PTPRN2: variants seen among roughly 807,000 people sequenced by gnomAD.
PTPRN2 encodes the protein protein tyrosine phosphatase receptor type N2, also known as receptor-type tyrosine-protein phosphatase N2.
Under a neutral mutation model 118.8 loss-of-function variants are expected in PTPRN2, and 74 were observed. The ratio of observed to expected loss-of-function variants is 0.62; its 90% confidence interval spans 0.52 to 0.76. The LOEUF (loss-of-function observed/expected upper bound fraction) is 0.76, where lower values mean the gene tolerates loss of function less well. Ranked by LOEUF, PTPRN2 falls within the 30% of genes least tolerant of loss-of-function variation. PTPRN2 has a pLI of 0.00. For synonymous variants in PTPRN2, 641 were observed against 608.0 expected (o/e 1.05, Z -0.80); for missense variants, 1,481 against 1,394.4 (o/e 1.06, Z -0.99).
chr7:157,925,856 ACT>A (rs1227837593), intron 11 of PTPRN2, among the ~76,000 whole-genome samples: 2 of 151,876 alleles, frequency 1.3e-5, no homozygotes, highest in Non-Finnish European at 2.9e-5. Context: ...AACACGGGCC[ACT>A]CTTCAAAGCG....
In PTPRN2 at chr7:158,485,217, C is replaced by T. The variant is rs62481468; in HGVS notation, c.163+4518G>A. 4.3e-3 allele frequency among the ~76,000 whole-genome samples: 656 copies of T among 152,228 alleles called. 1 individual carries two copies. The highest frequency in any genetic ancestry group is 5.3e-3 in the Non-Finnish European group (359 of 67,990). ...CCCCCACCTGTCAGTCACCATTCTT[C>T]CACCTCCCTCCAAACGGAGAGCGCG... On this transcript the variant is annotated intron_variant, in intron 2 of 22. Transcript: ENST00000389418.
intron 10 of PTPRN2, among the ~76,000 whole-genome samples, chr7:158,102,255 C>T (rs1815289690): frequency 6.6e-6 from 1 of 152,220 alleles, no homozygotes; most frequent in African/African-American, 2.4e-5. Context: ...TGCTGGACAG[C>T]CACCACAGAA....
At chr7:157,648,744 C>T (rs575667219) in intron 14 of PTPRN2, among the ~76,000 whole-genome samples, 35 of 132,600 alleles carry the variant, frequency 2.6e-4, no homozygotes, top group East Asian at 9.0e-4. Context: ...TCGGACCCAT[C>T]CAGTGTGCAC....
intron 11 of PTPRN2, among the ~76,000 whole-genome samples, chr7:157,973,158 C>T (rs180862719): frequency 2.0e-4 from 30 of 152,282 alleles, no homozygotes; most frequent in South Asian, 1.7e-3. Flanking sequence ...CCATGAGATG[C>T]CCTGGAGCAG....
At chr7:158,296,759 C>T (rs1406911921) in intron 3 of PTPRN2, among the ~76,000 whole-genome samples, 1 of 152,206 alleles carries the variant, frequency 6.6e-6, no homozygotes, top group Non-Finnish European at 1.5e-5. Context: ...GGAACTTTTC[C>T]TGTTTCACTT....
intron 12 of PTPRN2, among the ~76,000 whole-genome samples, chr7:157,799,997 A>G (rs1009385504): frequency 1.4e-5 from 2 of 144,012 alleles, no homozygotes; most frequent in Non-Finnish European, 3.0e-5. Context: ...GGCCTCCCCC[A>G]TACCTCAGAG....
At chr7:158,028,084 T>G (rs1268491330) in intron 11 of PTPRN2, 1 of 152,226 alleles carries the variant, frequency 6.6e-6, no homozygotes, top group Non-Finnish European at 1.5e-5. Flanking sequence ...TTGTGAATAA[T>G]TCGTCTATGA....
At chr7:157,850,548 A>C (rs1309281903) in intron 12 of PTPRN2, among the ~76,000 whole-genome samples, 2 of 152,226 alleles carry the variant, frequency 1.3e-5, no homozygotes, top group Non-Finnish European at 2.9e-5. Flanking sequence ...ACAGTCCTGC[A>C]CCATCTCACA....
intron 12 of PTPRN2, among the ~76,000 whole-genome samples, chr7:157,840,944 C>T (rs1202619672): frequency 2.0e-5 from 3 of 152,232 alleles, no homozygotes; most frequent in Admixed American, 6.5e-5. Flanking sequence ...GCCACCACCT[C>T]ACCGCCTGCC....
At chr7:158,102,266 G>C (rs1815290280) in intron 10 of PTPRN2, among the ~76,000 whole-genome samples, 2 of 152,226 alleles carry the variant, frequency 1.3e-5, no homozygotes, top group Non-Finnish European at 2.9e-5. Flanking sequence ...CACCACAGAA[G>C]GGCTTTGCCA....
intron 6 of PTPRN2, among the ~76,000 whole-genome samples, chr7:158,148,948 C>G (rs797008489): frequency 0.065 from 1,839 of 28,460 alleles, 24 homozygotes; most frequent in East Asian, 0.13. Flanking sequence ...CCATCTCACG[C>G]CACGTGTCTT....
chr7:157,931,325 T>A (rs1799346027), intron 11 of PTPRN2, among the ~76,000 whole-genome samples: 1 of 152,092 alleles, frequency 6.6e-6, no homozygotes, highest in South Asian at 2.1e-4. Context: ...ATTCTTGGGG[T>A]AGGGGTGAGG....
chr7:157,670,146 C>T (rs1209694132), intron 13 of PTPRN2, among the ~76,000 whole-genome samples: 2 of 152,298 alleles, frequency 1.3e-5, no homozygotes, highest in Non-Finnish European at 1.5e-5. Flanking sequence ...CTGCGGCTTC[C>T]TGCTCTGGGG....
chr7:158,058,033 T>C lies in PTPRN2; in HGVS notation c.1723+23265A>G, dbSNP rs1355458569. On this transcript the variant is annotated intron_variant, in intron 11 of 22. Coordinates refer to ENST00000389418, the MANE Select transcript of PTPRN2 (RefSeq NM_002847.5). ...AAATAATTATCTAGAAATAAATAAGTACAATGATCTATTGTAAGTAAATCT... is the reference window on the plus strand; with the variant it reads ...AAATAATTATCTAGAAATAAATAAGCACAATGATCTATTGTAAGTAAATCT... 2.6e-5 allele frequency among the ~76,000 whole-genome samples: 4 copies of C among 152,262 alleles called. No homozygotes were observed. In the East Asian group the frequency reaches 7.7e-4, roughly 29 times the overall value.
chr7:157,954,507 G>C (rs541638720), intron 11 of PTPRN2, among the ~76,000 whole-genome samples: 274 of 24,472 alleles, frequency 0.011, 18 homozygotes, highest in African/African-American at 0.036. Context: ...ACTGTGTGTG[G>C]TGTGTGTGTG....
chr7:158,240,088 G>A (rs1795823394), intron 3 of PTPRN2, among the ~76,000 whole-genome samples: 1 of 152,142 alleles, frequency 6.6e-6, no homozygotes, highest in Non-Finnish European at 1.5e-5. Context: ...CAGGTCAGAC[G>A]GGCACTTGGG....
At chr7:157,965,333 T>C (rs1483695068) in intron 11 of PTPRN2, among the ~76,000 whole-genome samples, 4 of 152,150 alleles carry the variant, frequency 2.6e-5, no homozygotes, top group African/African-American at 2.4e-5. Flanking sequence ...AGCCCTTTCC[T>C]GATAGCACAT....
At chr7:157,891,009 C>T (rs553294214) in intron 12 of PTPRN2, among the ~76,000 whole-genome samples, 2 of 152,212 alleles carry the variant, frequency 1.3e-5, no homozygotes, top group African/African-American at 4.8e-5. Context: ...ACCTCCCCAC[C>T]TCCTTACTCC....
At chr7:158,382,167 T>C (rs936957432) in intron 2 of PTPRN2, among the ~76,000 whole-genome samples, 1 of 152,156 alleles carries the variant, frequency 6.6e-6, no homozygotes, top group Non-Finnish European at 1.5e-5. Flanking sequence ...GGCATACATG[T>C]GCAGGCACCT....
Sources: allele counts gnomAD v4.1 joint callset (sites outside exome capture counted in the v4.1 genomes callset), GRCh38; gene constraint gnomAD v4.1.1; transcripts MANE v1.5; gene names NCBI Gene and HGNC (gene_info 2026-07-23, HGNC 2026-07-21).